RNLS: variants seen among roughly 807,000 people sequenced by gnomAD.
RNLS encodes the protein renalase.
In RNLS, 39 loss-of-function variants were observed where a neutral mutation model predicts 39.8. That is an observed-to-expected ratio of 0.98 (90% CI 0.76 to 1.28). The LOEUF is 1.28. RNLS is among the 50% of genes most tolerant of loss of function. The pLI, the probability that RNLS is intolerant of heterozygous loss-of-function variation, is 0.00. For missense variants in RNLS, 410 were observed against 413.3 expected (o/e 0.99, Z 0.07); for synonymous variants, 147 against 150.7 (o/e 0.98, Z 0.18).
intron 4 of RNLS, among the ~76,000 whole-genome samples, chr10:88,442,862 G>A (rs1461833530): frequency 6.6e-6 from 1 of 152,138 alleles, no homozygotes; most frequent in African/African-American, 2.4e-5. Flanking sequence ...CTGAGCCACA[G>A]ATCCTAACAT....
intron 4 of RNLS, among the ~76,000 whole-genome samples, chr10:88,553,519 C>T (rs1848699369): frequency 6.6e-6 from 1 of 152,138 alleles, no homozygotes; most frequent in Non-Finnish European, 1.5e-5. Context: ...TCTTAAGAAT[C>T]TAATGGTAAT....
chr10:88,369,246 G>T (rs1212619355), intron 4 of RNLS, among the ~76,000 whole-genome samples: 1 of 152,074 alleles, frequency 6.6e-6, no homozygotes, highest in Non-Finnish European at 1.5e-5. Context: ...TAGACAAGAA[G>T]TCTATTTATG....
chr10:88,503,526 C>G (rs2134118889), intron 4 of RNLS, among the ~76,000 whole-genome samples: 2 of 152,086 alleles, frequency 1.3e-5, no homozygotes, highest in African/African-American at 4.8e-5. Context: ...AGATTTATAA[C>G]CTGGAACCAT....
At chr10:88,298,084 A>G (rs1204902466) in intron 6 of RNLS, among the ~76,000 whole-genome samples, 2 of 151,928 alleles carry the variant, frequency 1.3e-5, no homozygotes, top group African/African-American at 4.8e-5. Context: ...AATGATTTTT[A>G]CCTTTTCATG....
At chr10:88,359,424 C>G (rs1053645560) in intron 5 of RNLS, among the ~76,000 whole-genome samples, 21 of 152,100 alleles carry the variant, frequency 1.4e-4, no homozygotes, top group Admixed American at 1.2e-3. Flanking sequence ...CAACTAGACC[C>G]ATTTAGTACC....
chr10:88,200,586 C>T, the RNLS span, among the ~76,000 whole-genome samples: 2 of 152,180 alleles, frequency 1.3e-5, no homozygotes, highest in African/African-American at 2.4e-5. Context: ...TAGAACAAAT[C>T]GTGCCATTCC....
At chr10:88,259,615 G>A in the RNLS span, among the ~76,000 whole-genome samples, 26 of 152,170 alleles carry the variant, frequency 1.7e-4, no homozygotes, top group East Asian at 3.8e-4. Flanking sequence ...AACTGGCTGC[G>A]TTCTAAAGTG....
At chr10:88,193,745 A>T in the RNLS span, among the ~76,000 whole-genome samples, 1 of 152,214 alleles carries the variant, frequency 6.6e-6, no homozygotes, top group Non-Finnish European at 1.5e-5. Context: ...TGGGGTACAC[A>T]TGATCTCCAC....
chr10:88,282,376 T>G (rs1195414967), downstream of RNLS, among the ~76,000 whole-genome samples: 4 of 152,108 alleles, frequency 2.6e-5, no homozygotes, highest in South Asian at 4.2e-4. Flanking sequence ...GTGACCCTGG[T>G]TGGCCAAGAT....
chr10:88,258,170 G>A, the RNLS span, among the ~76,000 whole-genome samples: 1 of 152,100 alleles, frequency 6.6e-6, no homozygotes, highest in Non-Finnish European at 1.5e-5. Flanking sequence ...GCTGAAAGGG[G>A]GGTTAGAGGG....
At chr10:88,250,366 T>C in the RNLS span, among the ~76,000 whole-genome samples, 1 of 152,238 alleles carries the variant, frequency 6.6e-6, no homozygotes, top group Non-Finnish European at 1.5e-5. Context: ...GAAGTCTCCA[T>C]GTGGCTTTAT....
chr10:88,582,515 G>A (rs1180422562), intron 1 of RNLS, among the ~76,000 whole-genome samples: 1 of 152,192 alleles, frequency 6.6e-6, no homozygotes, highest in Non-Finnish European at 1.5e-5. Flanking sequence ...CATATATTTA[G>A]TAATAGGAGT....
At chr10:88,571,903 C>T (rs1414277916) in intron 4 of RNLS, among the ~76,000 whole-genome samples, 1 of 152,184 alleles carries the variant, frequency 6.6e-6, no homozygotes, top group Non-Finnish European at 1.5e-5. Context: ...CCACTATCCC[C>T]AGCATTTCTG....
chr10:88,493,178 T>C (rs974786823), intron 4 of RNLS, among the ~76,000 whole-genome samples: 1 of 152,168 alleles, frequency 6.6e-6, no homozygotes, highest in Non-Finnish European at 1.5e-5. Flanking sequence ...TGAACCATTA[T>C]GAAAATCTGG....
At chr10:88,238,734 A>G in the RNLS span, among the ~76,000 whole-genome samples, 18 of 152,234 alleles carry the variant, frequency 1.2e-4, no homozygotes, top group African/African-American at 4.3e-4. Context: ...GGCTGGGAGT[A>G]GGTTACACAA....
chr10:88,366,086 A>G (rs1481979016), intron 4 of RNLS, among the ~76,000 whole-genome samples: 4 of 152,148 alleles, frequency 2.6e-5, no homozygotes, highest in Non-Finnish European at 1.5e-5. Flanking sequence ...CTCGTGGCAG[A>G]AAGGCCATTA....
intron 4 of RNLS, among the ~76,000 whole-genome samples, chr10:88,468,979 A>C (rs1378479611): frequency 2.0e-5 from 3 of 152,152 alleles, no homozygotes; most frequent in Non-Finnish European, 4.4e-5. Context: ...CAGTTCTAAA[A>C]GCTCATGTTT....
rs116101262 is a variant in RNLS at position 88,436,704 on chromosome 10, C to T, written c.527-73979G>A. On this transcript the variant is annotated intron_variant, in intron 4 of 6. Coordinates refer to ENST00000331772, the MANE Select transcript of RNLS (RefSeq NM_001031709.3). ...ACTATTCTTTGGGCGTCAAGTTGGT[C>T]TTTGTCCCTCAGAATTCTATCATTT... 6.1e-3 allele frequency among the ~76,000 whole-genome samples: 924 copies of T among 152,106 alleles called. 13 individuals are homozygous for T. The highest frequency in any genetic ancestry group is 0.021 in the African/African-American group (872 of 41,500).
intron 4 of RNLS, among the ~76,000 whole-genome samples, chr10:88,532,930 G>A (rs1847522184): frequency 6.6e-6 from 1 of 152,010 alleles, no homozygotes; most frequent in Non-Finnish European, 1.5e-5. Context: ...ATAAGAAGGT[G>A]CTCTAGGTAA....
Sources: allele counts gnomAD v4.1 joint callset (sites outside exome capture counted in the v4.1 genomes callset), GRCh38; gene constraint gnomAD v4.1.1; transcripts MANE v1.5; gene names NCBI Gene and HGNC (gene_info 2026-07-23, HGNC 2026-07-21).